The following RORB variants were observed in gnomAD, a reference collection of about 807,000 sequenced individuals.
RORB encodes nuclear receptor ROR-beta.
Under a neutral mutation model 59.1 loss-of-function variants are expected in RORB, and 6 were observed. The ratio of observed to expected loss-of-function variants is 0.10; its 90% CI spans 0.06 to 0.20. The LOEUF (loss-of-function observed/expected upper bound fraction) is 0.20. Ranked by LOEUF, RORB falls within the 10% of genes least tolerant of loss-of-function variation. The pLI is 1.00. For missense variants in RORB, 320 were observed against 560.5 expected (o/e 0.57, Z 4.33); for synonymous variants, 215 against 204.5 (o/e 1.05, Z -0.44).
intron 4 of RORB, among the ~76,000 whole-genome samples, chr9:74,652,113 C>T (rs992514748): frequency 1.3e-5 from 2 of 152,140 alleles, no homozygotes; most frequent in African/African-American, 4.8e-5. Context: ...GCTTTCTTAC[C>T]TTTTATTAGA....
chr9:74,683,847 A>G (rs1391968979), intron 9 of RORB, among the ~76,000 whole-genome samples: 1 of 152,196 alleles, frequency 6.6e-6, no homozygotes, highest in Non-Finnish European at 1.5e-5. Context: ...CAAGTAGACT[A>G]CAAACAAGAG....
At chr9:74,624,392 G>A in intron 1 of RORB, among the ~76,000 whole-genome samples, 1 of 152,174 alleles carries the variant, frequency 6.6e-6, no homozygotes, top group East Asian at 1.9e-4. Context: ...ATGTTGAGAT[G>A]CACTCTGCAC....
rs1023496718 is a variant in RORB, at chr9:74,497,469, CTTTCT to C, written c.-500_-496del. 3.7e-5 allele frequency: 6 copies of C among 161,618 alleles called. No homozygotes were observed. Among genetic ancestry groups the C allele is most frequent in the East Asian group, 1.8e-4 (1 of 5,508 alleles). The allele number at this position is 161,618 out of a possible 1,614,324, so 10.0% of individuals were successfully genotyped here. A position where few individuals can be genotyped will look rare whatever the true frequency, so the allele number is the denominator to read the frequency against. On this transcript the variant is annotated 5_prime_UTR_variant, in exon 1 of 10. It removes the in-frame stop codon of an upstream open reading frame in the 5' UTR. Transcript: ENST00000376896. Reference sequence around the variant, plus strand: ...ATGCTCTGCCATCCACACCGCCTTTCTTTCTTTTCTTTCTGTTTCCTTTTTTCCCC... The same window carrying C: ...ATGCTCTGCCATCCACACCGCCTTTCTTTCTTTCTGTTTCCTTTTTTCCCC...
intron 1 of RORB, among the ~76,000 whole-genome samples, chr9:74,517,055 C>G (rs375386458): frequency 6.6e-5 from 10 of 151,922 alleles, no homozygotes; most frequent in African/African-American, 1.4e-4. Context: ...CATAACTTTT[C>G]AAGATTCTTC....
chr9:74,676,451 C>A (rs76557158), intron 9 of RORB, among the ~76,000 whole-genome samples: 7,502 of 152,274 alleles, frequency 0.049, 577 homozygotes, highest in African/African-American at 0.17. Flanking sequence ...TCACCATATG[C>A]AGGCTTAGAG....
chr9:74,585,932 C>G (rs1257237110), intron 1 of RORB, among the ~76,000 whole-genome samples: 1 of 151,738 alleles, frequency 6.6e-6, no homozygotes, highest in Non-Finnish European at 1.5e-5. Context: ...GTAGCTGGGA[C>G]TACAGGCGCG....
In RORB at chr9:74,627,797, TA is replaced by T. The variant is rs776620985; in HGVS notation, c.8-2474del. ...AATCCAACATTTGAAAGGTTATTGC[TA>T]AAAAAAAAAACCATAGTACAAATGA... On this transcript the variant is annotated intron_variant, in intron 1 of 9. Transcript: ENST00000376896. Among the ~76,000 whole-genome samples the T allele has an allele frequency of 1.6e-3, 225 of 144,492 alleles. 1 individual carries two copies. The highest frequency in any genetic ancestry group is 4.6e-3 in the African/African-American group (181 of 39,656). 94.8% of individuals were successfully genotyped at this position (144,492 alleles called of 152,430 possible). A position where few individuals can be genotyped will look rare whatever the true frequency, so the allele number is the denominator to read the frequency against.
intron 1 of RORB, among the ~76,000 whole-genome samples, chr9:74,583,606 AG>A (rs1248045483): frequency 6.6e-6 from 1 of 151,948 alleles, no homozygotes; most frequent in Non-Finnish European, 1.5e-5. Context: ...TCAATCAAAC[AG>A]ATTTCCAAAA....
intron 5 of RORB, among the ~76,000 whole-genome samples, chr9:74,661,595 TTGA>T (rs1421512299): frequency 6.6e-6 from 1 of 151,854 alleles, no homozygotes; most frequent in Non-Finnish European, 1.5e-5. Context: ...GGTGAATGAT[TTGA>T]TTTGATGTAA....
chr9:74,651,040 T>A (rs1364743716), intron 4 of RORB, among the ~76,000 whole-genome samples: 2 of 152,204 alleles, frequency 1.3e-5, no homozygotes, highest in Non-Finnish European at 2.9e-5. Flanking sequence ...GATTTCATCA[T>A]CTGTGACCCA....
chr9:74,631,973 T>C (rs1052342670), intron 2 of RORB, among the ~76,000 whole-genome samples: 3 of 152,206 alleles, frequency 2.0e-5, no homozygotes, highest in Non-Finnish European at 4.4e-5. Flanking sequence ...TTGAAAGTAT[T>C]TCTACCATTC....
rs898958480 is a variant in RORB at position 74,689,954 on chromosome 9, CTT to C, written c.*4344_*4345del. 10 of 141,400 alleles carry C rather than the reference CTT, an allele frequency of 7.1e-5. No homozygotes were observed. Among genetic ancestry groups the C allele is most frequent in the African/African-American group, 2.8e-4 (9 of 31,650 alleles). 8.8% of individuals were successfully genotyped at this position (141,400 alleles called of 1,614,324 possible). On this transcript the variant is annotated 3_prime_UTR_variant, in exon 10 of 10. Transcript: ENST00000376896. ...TAGAAGAAATAATTTCTTCCTGACT[CTT>C]TTTTTTTCTATAAACTTTTATTTCC...
chr9:74,643,082 T>C (rs924479697), intron 4 of RORB, among the ~76,000 whole-genome samples: 5 of 152,162 alleles, frequency 3.3e-5, no homozygotes, highest in African/African-American at 1.2e-4. Flanking sequence ...TCTGTTGAAT[T>C]TGGGTTCTCA....
At chr9:74,659,993 A>AC (rs1824154693) in intron 4 of RORB, among the ~76,000 whole-genome samples, 3 of 86,128 alleles carry the variant, frequency 3.5e-5, no homozygotes, top group Non-Finnish European at 7.1e-5. Flanking sequence ...TTATCAACTC[A>AC]TAGCCAATAT....
chr9:74,510,894 G>T (rs903659930), intron 1 of RORB, among the ~76,000 whole-genome samples: 1 of 152,172 alleles, frequency 6.6e-6, no homozygotes, highest in African/African-American at 2.4e-5. Flanking sequence ...AATAGCAGTT[G>T]TGATGACACC....
intron 8 of RORB, among the ~76,000 whole-genome samples, chr9:74,671,002 T>A (rs1407026337): frequency 6.6e-6 from 1 of 152,112 alleles, no homozygotes; most frequent in Non-Finnish European, 1.5e-5. Flanking sequence ...GGGTGTCTCT[T>A]CCATAAAGGT....
intron 9 of RORB, among the ~76,000 whole-genome samples, chr9:74,680,552 G>A (rs943898564): frequency 1.3e-5 from 2 of 152,166 alleles, no homozygotes; most frequent in Non-Finnish European, 2.9e-5. Context: ...ACTGCCACAC[G>A]GATGCTAAGG....
At chr9:74,513,656 T>A (rs1055641946) in intron 1 of RORB, among the ~76,000 whole-genome samples, 1 of 152,032 alleles carries the variant, frequency 6.6e-6, no homozygotes, top group African/African-American at 2.4e-5. Flanking sequence ...ATTTAGACAT[T>A]AGAATAAAAT....
At chr9:74,677,792 C>T (rs982172040) in intron 9 of RORB, among the ~76,000 whole-genome samples, 1 of 152,182 alleles carries the variant, frequency 6.6e-6, no homozygotes, top group Non-Finnish European at 1.5e-5. Context: ...TGTATTAATA[C>T]AACATCATAG....
Sources: allele counts gnomAD v4.1 joint callset (sites outside exome capture counted in the v4.1 genomes callset), GRCh38; gene constraint gnomAD v4.1.1; transcripts MANE v1.5; gene names NCBI Gene and HGNC (gene_info 2026-07-23, HGNC 2026-07-21).